The following PCDHA7 variants were observed in gnomAD, a reference collection of about 807,000 sequenced individuals.
The protein encoded by PCDHA7 is protocadherin alpha 7.
A neutral mutation model predicts 57.2 loss-of-function variants in PCDHA7; 37 were observed. The ratio of observed to expected loss-of-function variants is 0.65; its 90% CI spans 0.50 to 0.85. The LOEUF (loss-of-function observed/expected upper bound fraction) is 0.85, where lower values mean the gene tolerates loss of function less well. Among genes scored for constraint, PCDHA7 ranks in the 40% least tolerant of loss-of-function variants. The probability of loss-of-function intolerance (pLI) is 0.00; values close to 1 mark genes in which losing one functional copy is unlikely to be tolerated. For missense variants in PCDHA7, 1,188 were observed against 1,241.8 expected (o/e 0.96, Z 0.65); for synonymous variants, 553 against 558.8 (o/e 0.99, Z 0.15).
chr5:140,872,087 A>C (rs2053480826), intron 1 of PCDHA7, among the ~76,000 whole-genome samples: 2 of 152,304 alleles, frequency 1.3e-5, no homozygotes, highest in East Asian at 1.9e-4. Flanking sequence ...GTGCCACTGC[A>C]CTTAGTCCAT....
At chr5:140,870,424 T>C (rs782689834) in intron 1 of PCDHA7, 6 of 1,614,156 alleles carry the variant, frequency 3.7e-6, no homozygotes, top group Non-Finnish European at 5.1e-6. Flanking sequence ...GGCCAGGGTA[T>C]CCGTGGAGGT....
intron 1 of PCDHA7, chr5:140,869,225 A>G (rs2050944514): frequency 6.2e-7 from 1 of 1,613,790 alleles, no homozygotes; most frequent in African/African-American, 1.3e-5. Flanking sequence ...GAGGCCAAAC[A>G]CGGCACCTTC....
At chr5:140,929,113 A>G (rs1554206696) in intron 1 of PCDHA7, 5 of 1,614,154 alleles carry the variant, frequency 3.1e-6, no homozygotes, top group East Asian at 2.2e-5. Flanking sequence ...GACATCAGCC[A>G]CCATAGATGT....
intron 1 of PCDHA7, chr5:140,967,880 A>G (rs782459653): frequency 4.3e-6 from 7 of 1,614,060 alleles, no homozygotes; most frequent in Non-Finnish European, 2.5e-6. Context: ...GGACCTGTAT[A>G]GCCCAGTGCC....
intron 1 of PCDHA7, among the ~76,000 whole-genome samples, chr5:140,975,369 T>G (rs2096664514): frequency 6.6e-6 from 1 of 152,230 alleles, no homozygotes; most frequent in Admixed American, 6.5e-5. Flanking sequence ...CATAGCATAA[T>G]GTAATCATGG....
intron 3 of PCDHA7, among the ~76,000 whole-genome samples, chr5:141,005,605 G>A (rs1366861614): frequency 7.3e-5 from 11 of 150,146 alleles, no homozygotes; most frequent in African/African-American, 2.7e-4. Context: ...AGGAGGCTGA[G>A]GCAGGAGAAT....
At chr5:140,863,741 G>T in intron 1 of PCDHA7, 1 of 249,706 alleles carries the variant, frequency 4.0e-6, no homozygotes, top group East Asian at 1.0e-4. Context: ...ATGCCTATTT[G>T]TAATCCCGGC....
chr5:140,855,249 C>A (rs910025262), intron 1 of PCDHA7, among the ~76,000 whole-genome samples: 1 of 149,670 alleles, frequency 6.7e-6, no homozygotes, highest in African/African-American at 2.4e-5. Flanking sequence ...ATTGCAAGCA[C>A]TTACTATATT....
At chr5:140,863,709 C>G (rs537647529) in intron 1 of PCDHA7, 1 of 285,634 alleles carries the variant, frequency 3.5e-6, no homozygotes, top group East Asian at 9.1e-5. Context: ...TTAAAGTACA[C>G]TGGGGCCGGG....
At chr5:140,869,616 G>C (rs1554163306) in intron 1 of PCDHA7, 1 of 1,613,734 alleles carries the variant, frequency 6.2e-7, no homozygotes, top group Non-Finnish European at 8.5e-7. Context: ...TGACCTACAG[G>C]CTAAGTAAAA....
rs78805068 is a variant in PCDHA7, at chr5:140,928,696, C to T, written c.2356-50253C>T. On this transcript the variant is annotated intron_variant, in intron 1 of 3. Transcript: ENST00000525929. ...TGCCTGGCTTTCCTACCACATCTCC[C>T]GGGCGTCTGACTCTAGTCTCTTTAG... The T allele has an allele frequency of 3.2e-3, 5,185 of 1,614,146 alleles. 27 individuals carry two copies. The highest frequency in any genetic ancestry group is 0.019 in the African/African-American group (1,449 of 75,020).
rs2150253080 is a variant in PCDHA7 at position 140,836,109 on chromosome 5, G to T, written c.1726G>T (p.Ala576Ser). 6 of 1,613,610 alleles carry T rather than the reference G, an allele frequency of 3.7e-6. No individual in the cohort carries two copies. Among genetic ancestry groups the T allele is most frequent in the Non-Finnish European group, 5.1e-6 (6 of 1,179,782 alleles). The part of the protein sequence containing the change: ...LAPRVGGTGG[A>S]VRELVPRSVG... Reference sequence around the variant, plus strand: ...GCCTCGGGTGGGTGGCACTGGTGGCGCAGTGAGAGAGCTTGTGCCGCGGTC... The same window carrying T: ...GCCTCGGGTGGGTGGCACTGGTGGCTCAGTGAGAGAGCTTGTGCCGCGGTC... The change falls in exon 1 of 4, where the codon GCA (alanine) becomes TCA (serine). Residue 576 changes from alanine (A) to serine (S), a missense_variant. Around this residue, in one of 3 missense-constraint regions of PCDHA7, gnomAD observed 892 missense variants for 788.5 expected, o/e 1.13. Coordinates refer to ENST00000525929, the MANE Select transcript of PCDHA7 (RefSeq NM_018910.3).
chr5:140,871,015 G>T (rs1554164977), intron 1 of PCDHA7: 4 of 1,613,124 alleles, frequency 2.5e-6, no homozygotes, highest in East Asian at 4.5e-5. Flanking sequence ...TGCCCTGGAC[G>T]AGGCAGACTC....
chr5:140,862,892 CTT>C (rs1554157185), intron 1 of PCDHA7: 2 of 562,274 alleles, frequency 3.6e-6, no homozygotes, highest in South Asian at 1.4e-5. Flanking sequence ...GGAACGACAA[CTT>C]TGTCTGCGCT....
At position 140,947,043 on chromosome 5, in the gene PCDHA7, G is replaced by T. The variant is rs188994500; in HGVS notation, c.2356-31906G>T. Among the ~76,000 whole-genome samples the T allele has an allele frequency of 1.7e-3, 259 of 151,702 alleles. 2 individuals carry two copies. Among genetic ancestry groups the T allele is most frequent in the African/African-American group, 5.9e-3 (243 of 41,466 alleles). On this transcript the variant is annotated intron_variant, in intron 1 of 3. Transcript: ENST00000525929. ...AGGTAATGGATATACTAATTACCCT[G>T]ATTTGATCATTACACAGTGTATATA... is the stretch of plus-strand genomic sequence containing the variant.
At chr5:140,985,945 T>C (rs1432402407) in intron 3 of PCDHA7, among the ~76,000 whole-genome samples, 1 of 152,080 alleles carries the variant, frequency 6.6e-6, no homozygotes, top group Non-Finnish European at 1.5e-5. Flanking sequence ...TTCACTGTGT[T>C]AGCCAGGATG....
At chr5:140,947,095 A>T (rs2094086285) in intron 1 of PCDHA7, among the ~76,000 whole-genome samples, 1 of 151,642 alleles carries the variant, frequency 6.6e-6, no homozygotes, top group Non-Finnish European at 1.5e-5. Flanking sequence ...ACTGTAGCCC[A>T]TAAATAGGTA....
chr5:140,991,033 TACTTA>T (rs567583919), intron 3 of PCDHA7, among the ~76,000 whole-genome samples: 53 of 152,330 alleles, frequency 3.5e-4, no homozygotes, highest in African/African-American at 1.3e-3. Context: ...ATATGTTGCA[TACTTA>T]ACTTTGAGAG....
At chr5:140,837,219 T>A (rs935838463) in intron 1 of PCDHA7, 1 of 152,352 alleles carries the variant, frequency 6.6e-6, no homozygotes, top group African/African-American at 2.4e-5. Context: ...ACTTGAATTT[T>A]AAGCATTTCT....
Sources: gnomAD v4.1 joint callset for allele counts (sites outside exome capture counted in the v4.1 genomes callset) on GRCh38, gnomAD v4.1.1 for gene constraint, gnomAD v4.1.1 regional missense constraint, MANE v1.5 for transcripts, NCBI Gene and HGNC (gene_info 2026-07-23, HGNC 2026-07-21) for gene names.